Variants in PALM2AKAP2 observed in about 807,000 individuals in gnomAD.
PALM2AKAP2 encodes the protein PALM2 and AKAP2 fusion, also known as PALM2-AKAP2 fusion protein.
A neutral mutation model predicts 71.5 loss-of-function variants in PALM2AKAP2; 37 were observed. The ratio of observed to expected loss-of-function variants is 0.52; its 90% confidence interval spans 0.40 to 0.68. PALM2AKAP2 has a LOEUF of 0.68. Ranked by LOEUF, PALM2AKAP2 falls within the 30% of genes least tolerant of loss-of-function variation. The pLI is 0.00. For missense variants in PALM2AKAP2, 1,224 were observed against 1,191.8 expected (o/e 1.03, Z -0.40); for synonymous variants, 468 against 478.8 (o/e 0.98, Z 0.29).
At chr9:109,663,061 G>A (rs117049751) in intron 1 of PALM2AKAP2, among the ~76,000 whole-genome samples, 13,592 of 150,832 alleles carry the variant, frequency 0.09, 735 homozygotes, top group South Asian at 0.2. Flanking sequence ...TTCTCTCCTT[G>A]TATTTGATTC....
At chr9:109,669,279 A>G (rs1242416410) in intron 1 of PALM2AKAP2, among the ~76,000 whole-genome samples, 2 of 151,506 alleles carry the variant, frequency 1.3e-5, no homozygotes, top group Non-Finnish European at 2.9e-5. Flanking sequence ...TTTTTTTTCA[A>G]TGAATACATG....
At chr9:109,733,389 T>C (rs969714979) in intron 1 of PALM2AKAP2, among the ~76,000 whole-genome samples, 2 of 152,154 alleles carry the variant, frequency 1.3e-5, no homozygotes, top group East Asian at 3.9e-4. Flanking sequence ...AACAATACTT[T>C]AGGGTGAGTA....
At chr9:109,701,142 G>A (rs541023599) in intron 1 of PALM2AKAP2, among the ~76,000 whole-genome samples, 7 of 152,082 alleles carry the variant, frequency 4.6e-5, no homozygotes, top group Admixed American at 1.3e-4. Flanking sequence ...AAGATACCAC[G>A]GTTAGAAAAT....
intron 3 of PALM2AKAP2, among the ~76,000 whole-genome samples, chr9:109,893,048 C>T (rs1010883651): frequency 1.3e-5 from 2 of 152,138 alleles, no homozygotes; most frequent in South Asian, 2.1e-4. Flanking sequence ...AACTCGGGCC[C>T]GGTAAGCATC....
rs796945367 is a variant in PALM2AKAP2, at chr9:109,964,369, T to C, written c.496+32341T>C. 1.9e-4 allele frequency among the ~76,000 whole-genome samples: 25 copies of C among 129,138 alleles called. 1 individual carries two copies. The highest frequency in any genetic ancestry group is 6.9e-4 in the African/African-American group (25 of 36,056). The allele number at this position is 129,138 out of a possible 152,430, so 84.7% of individuals were successfully genotyped here. A position where few individuals can be genotyped will look rare whatever the true frequency, so the allele number is the denominator to read the frequency against. The stretch of plus-strand genomic sequence containing the variant: ...TCAGGGCAGATTGTGCCAAATGGGC[T>C]ACTGCAGGCAGAGGCAGAGGCAGGA... On this transcript the variant is annotated intron_variant, in intron 6 of 9. Coordinates refer to the PALM2AKAP2 transcript ENST00000302798.
chr9:109,686,583 G>A (rs1016713764), intron 1 of PALM2AKAP2, among the ~76,000 whole-genome samples: 1 of 152,114 alleles, frequency 6.6e-6, no homozygotes, highest in African/African-American at 2.4e-5. Context: ...GTAAACAGCA[G>A]ATGTGCTGCC....
intron 1 of PALM2AKAP2, among the ~76,000 whole-genome samples, chr9:109,714,684 G>C (rs889483552): frequency 6.6e-6 from 1 of 152,138 alleles, no homozygotes; most frequent in Admixed American, 6.5e-5. Context: ...CACCAGTAGA[G>C]GATGCTGTGG....
rs1166191446 is a variant in PALM2AKAP2 at position 110,068,085 on chromosome 9, C to CTTT, written c.156+19231_156+19232insTTT. Among the ~76,000 whole-genome samples, 279 of 93,952 alleles carry CTTT rather than the reference C, an allele frequency of 3.0e-3. 6 individuals carry two copies. The highest frequency in any genetic ancestry group is 0.015 in the South Asian group (42 of 2,774). 61.6% of individuals were successfully genotyped at this position (93,952 alleles called of 152,430 possible). A position where few individuals can be genotyped will look rare whatever the true frequency, so the allele number is the denominator to read the frequency against. On this transcript the variant is annotated intron_variant, in intron 1 of 3. Coordinates refer to ENST00000374525, the Ensembl canonical transcript of PALM2AKAP2. ...GAGTTGTATTTGCTTATGTTCCAAA[C>CTTT]TCTTTTTTTTTTTTTTTTTGGTAAG...
chr9:110,141,930 G>A (rs899852888), intron 2 of PALM2AKAP2, among the ~76,000 whole-genome samples: 8 of 152,096 alleles, frequency 5.3e-5, no homozygotes, highest in Non-Finnish European at 1.2e-4. Flanking sequence ...CCCTGGTGTG[G>A]AAATGCTATT....
At chr9:109,882,994 C>A (rs1473872599) in intron 3 of PALM2AKAP2, among the ~76,000 whole-genome samples, 1 of 152,066 alleles carries the variant, frequency 6.6e-6, no homozygotes, top group Non-Finnish European at 1.5e-5. Flanking sequence ...GTCTTCCAAT[C>A]AAATTGGCAG....
At chr9:110,051,982 A>G (rs1349351261) in intron 1 of PALM2AKAP2, among the ~76,000 whole-genome samples, 138 of 151,542 alleles carry the variant, frequency 9.1e-4, no homozygotes, top group Non-Finnish European at 5.9e-5. Context: ...GGCTCACTGC[A>G]AGCTCCGCTT....
At chr9:109,965,516 A>G (rs953631726) in intron 6 of PALM2AKAP2, among the ~76,000 whole-genome samples, 10 of 152,224 alleles carry the variant, frequency 6.6e-5, no homozygotes, top group Admixed American at 5.2e-4. Context: ...TTCCACTTAC[A>G]TGAGATATCT....
intron 3 of PALM2AKAP2, among the ~76,000 whole-genome samples, chr9:110,163,688 G>A (rs1385573253): frequency 1.3e-5 from 2 of 152,170 alleles, no homozygotes; most frequent in Non-Finnish European, 2.9e-5. Flanking sequence ...GTTTTGAGAT[G>A]TGTCCTTGTT....
chr9:109,923,651 A>G, intron 3 of PALM2AKAP2, 84 bp from the exon 4 acceptor site: 1 of 1,418,798 alleles, frequency 7.0e-7, no homozygotes, highest in Non-Finnish European at 9.5e-7. Context: ...GAAGGTACAA[A>G]TCGCCCAACA....
chr9:109,898,195 A>C (rs533180721), intron 3 of PALM2AKAP2, among the ~76,000 whole-genome samples: 1 of 152,246 alleles, frequency 6.6e-6, no homozygotes, highest in Non-Finnish European at 1.5e-5. Context: ...ACATAGTAGC[A>C]GTGGTACCCT....
At chr9:109,956,486 C>G (rs191626421) in intron 6 of PALM2AKAP2, among the ~76,000 whole-genome samples, 57 of 152,316 alleles carry the variant, frequency 3.7e-4, no homozygotes, top group Admixed American at 3.7e-3. Context: ...TTCAGACTAT[C>G]AGAATCTGCC....
At chr9:109,791,606 C>T (rs765096303) in intron 1 of PALM2AKAP2, among the ~76,000 whole-genome samples, 6 of 152,194 alleles carry the variant, frequency 3.9e-5, no homozygotes, top group South Asian at 4.1e-4. Context: ...CTCCCAGTTC[C>T]GGAGAGGGTC....
At chr9:109,917,196 A>G (rs889186239) in intron 3 of PALM2AKAP2, among the ~76,000 whole-genome samples, 2 of 152,188 alleles carry the variant, frequency 1.3e-5, no homozygotes, top group African/African-American at 4.8e-5. Context: ...AAGGCACGGA[A>G]CGTGGGTGAC....
intron 6 of PALM2AKAP2, among the ~76,000 whole-genome samples, chr9:109,994,240 G>A (rs1336960809): frequency 6.6e-6 from 1 of 152,216 alleles, no homozygotes; most frequent in Non-Finnish European, 1.5e-5. Flanking sequence ...CCAGGACAGA[G>A]ATAGATGAAT....
Sources: gnomAD v4.1 joint callset for allele counts (sites outside exome capture counted in the v4.1 genomes callset) on GRCh38, gnomAD v4.1.1 for gene constraint, MANE v1.5 for transcripts, NCBI Gene and HGNC (gene_info 2026-07-23, HGNC 2026-07-21) for gene names.